The following TNIP1 variants were observed in gnomAD, a reference collection of about 807,000 sequenced individuals.
TNIP1 encodes TNFAIP3-interacting protein 1.
A neutral mutation model predicts 86.6 loss-of-function variants in TNIP1; 22 were observed. The ratio of observed to expected loss-of-function variants is 0.25; its 90% CI spans 0.18 to 0.36. The LOEUF (loss-of-function observed/expected upper bound fraction) is 0.36. Ranked by LOEUF, TNIP1 falls within the 10% of genes least tolerant of loss-of-function variation. The pLI, the probability that TNIP1 is intolerant of heterozygous loss-of-function variation, is 1.00. For missense variants in TNIP1, 709 were observed against 820.6 expected (o/e 0.86, Z 1.66); for synonymous variants, 294 against 313.0 (o/e 0.94, Z 0.64).
intron 5 of TNIP1, among the ~76,000 whole-genome samples, chr5:151,059,885 G>C (rs1447612575): frequency 1.4e-5 from 2 of 145,218 alleles, no homozygotes; most frequent in Admixed American, 1.4e-4. Flanking sequence ...GCGCGCGCAT[G>C]CGTGTAAGTG....
At chr5:151,082,729 G>A (rs932008219), upstream of TNIP1, among the ~76,000 whole-genome samples, 1 of 152,170 alleles carries the variant, frequency 6.6e-6, no homozygotes, top group African/African-American at 2.4e-5. Flanking sequence ...TCTCAAGCTT[G>A]ACATAAAAAA....
chr5:151,055,220 G>C (rs1760498975), intron 6 of TNIP1, among the ~76,000 whole-genome samples: 1 of 151,732 alleles, frequency 6.6e-6, no homozygotes, highest in African/African-American at 2.4e-5. Flanking sequence ...TTCTAGCAGA[G>C]AGTATAAGAA....
chr5:151,061,132 C>G (rs1328175701), intron 4 of TNIP1, among the ~76,000 whole-genome samples: 1 of 152,242 alleles, frequency 6.6e-6, no homozygotes, highest in Admixed American at 6.5e-5. Context: ...GGTCATTCAA[C>G]CAACCAAGAA....
chr5:151,036,714 C>T (rs1254501539), intron 13 of TNIP1, 76 bp downstream of exon 13: 2 of 1,605,506 alleles, frequency 1.2e-6, no homozygotes, highest in Admixed American at 3.4e-5. Context: ...CATGTGATTC[C>T]AAGCCGTCTG....
In TNIP1 at chr5:151,049,805, G is replaced by A. The variant is rs1385872172; in HGVS notation, c.846+19C>T. The A allele has an allele frequency of 1.2e-6, 2 of 1,613,908 alleles. No homozygotes were observed. Among genetic ancestry groups the A allele is most frequent in the African/African-American group, 1.3e-5 (1 of 74,934 alleles). Reference sequence around the variant, plus strand: ...ACCTGCAACCAAGGATGCTACAGAAGGAATTTCTGACCACATACCTGCTGC... The same window carrying A: ...ACCTGCAACCAAGGATGCTACAGAAAGAATTTCTGACCACATACCTGCTGC... On this transcript the variant is annotated intron_variant, in intron 8 of 17. Transcript: ENST00000521591.
chr5:151,056,827 A>G lies in TNIP1; in HGVS notation c.566T>C (p.Leu189Pro), dbSNP rs1373715980. ...QLFTHLGRMA[L>P]EFNRLASKVH... ...CTTGGATGCCAGTCGGTTGAACTCC[A>G]GGGCCATGCGGCCCAGGTGGGTGAA... Residue 189 changes from leucine to proline, a missense_variant, in exon 6 of 18, where the codon CTG (leucine) becomes CCG (proline). Leu to Pro is a moderately conservative substitution (Grantham distance 98). Transcript: ENST00000521591. The G allele has an allele frequency of 6.3e-7, 1 of 1,595,518 alleles. No homozygotes were observed. Among genetic ancestry groups the G allele is most frequent in the African/African-American group, 1.4e-5 (1 of 73,932 alleles).
In TNIP1 at chr5:151,050,020, C is replaced by T. The variant is rs938333181; in HGVS notation, c.723-73G>A. 147 of 1,598,728 alleles carry T rather than the reference C, an allele frequency of 9.2e-5. No individual in the cohort carries two copies. In the Admixed American group the frequency reaches 2.5e-3, roughly 27 times the overall value. On this transcript the variant is annotated intron_variant, in intron 7 of 17. Transcript: ENST00000521591. ...GAAACCTACAGGGCTCCTTAATGCTCACTATCGCATGAGTTGCAGCTGAGC... is the reference window on the plus strand; with the variant it reads ...GAAACCTACAGGGCTCCTTAATGCTTACTATCGCATGAGTTGCAGCTGAGC...
In TNIP1 at chr5:151,064,943, G is replaced by T. The variant is rs762834369; in HGVS notation, c.136+17C>A. ...CAGGGAGGGGCGCTCGCAGGGAGGG[G>T]ACAGGGTCTGCTTTACCTAACATCT... On this transcript the variant is annotated intron_variant, in intron 2 of 17. Transcript: ENST00000521591. The T allele has an allele frequency of 1.9e-6, 3 of 1,613,970 alleles. No individual in the cohort carries two copies. Among genetic ancestry groups the T allele is most frequent in the South Asian group, 1.1e-5 (1 of 91,030 alleles).
intron 5 of TNIP1, among the ~76,000 whole-genome samples, chr5:151,059,783 G>GAC (rs1322743782): frequency 0.014 from 479 of 34,594 alleles, 2 homozygotes; most frequent in African/African-American, 0.07. Context: ...GAGAGACAGA[G>GAC]AGAGAGAGAG....
chr5:151,042,953 T>G lies in TNIP1; in HGVS notation c.945A>C (p.Glu315Asp), dbSNP rs1327033147. 3.1e-6 allele frequency: 5 copies of G among 1,614,090 alleles called. No homozygotes were observed. The highest frequency in any genetic ancestry group is 4.2e-6 in the Non-Finnish European group (5 of 1,180,034). Residue 315 changes from glutamate to aspartate, a missense_variant, in exon 10 of 18, where the codon GAA becomes GAC. Glu to Asp is a conservative substitution (Grantham distance 45, BLOSUM62 2). Coordinates refer to ENST00000521591, the MANE Select transcript of TNIP1 (RefSeq NM_006058.5). ...MLEQQRSELLEVNKQWDQHFR... is the reference protein window; with the variant it reads ...MLEQQRSELLDVNKQWDQHFR... Reference sequence around the variant, plus strand: ...AATGCTGGTCCCACTGCTTGTTCACTTCCAGCAGCTGTGGGGAGAGACTGG... The same window carrying G: ...AATGCTGGTCCCACTGCTTGTTCACGTCCAGCAGCTGTGGGGAGAGACTGG...
At chr5:151,063,821 C>A in intron 2 of TNIP1, 74 bp from the exon 3 acceptor site, 1 of 1,561,926 alleles carries the variant, frequency 6.4e-7, no homozygotes, top group Non-Finnish European at 8.7e-7. Context: ...TCCCAGGCCC[C>A]TAACCGTGCT....
At chr5:151,068,177 G>A (rs918435150) in intron 1 of TNIP1, among the ~76,000 whole-genome samples, 15 of 152,202 alleles carry the variant, frequency 9.9e-5, no homozygotes, top group African/African-American at 3.1e-4. Flanking sequence ...GAGATCAGAG[G>A]AGCCACCCCT....
intron 3 of TNIP1, among the ~76,000 whole-genome samples, chr5:151,063,248 C>A (rs926807718): frequency 2.0e-5 from 3 of 152,170 alleles, no homozygotes; most frequent in Non-Finnish European, 4.4e-5. Context: ...CTCCAAGTGA[C>A]AGGGAGTAGC....
Position 151,035,343 on chromosome 5 carries a change from G to A in TNIP1, c.1521+239C>T, listed in dbSNP as rs535988786. ...AACATCTTTTAGTTCCACTCTGGGA[G>A]AGTAAAGCCCAGAACTGACTGTGGA... On this transcript the variant is annotated intron_variant, in intron 14 of 17. Coordinates refer to ENST00000521591, the MANE Select transcript of TNIP1 (RefSeq NM_006058.5). 2.2e-4 allele frequency among the ~76,000 whole-genome samples: 34 copies of A among 152,372 alleles called. No individual in the cohort carries two copies. In the South Asian group the frequency reaches 7.0e-3, roughly 32 times the overall value.
At chr5:151,037,553 A>G (rs569028510) in intron 12 of TNIP1, 4 of 152,354 alleles carry the variant, frequency 2.6e-5, no homozygotes, top group African/African-American at 9.6e-5. Context: ...ATATCATCAA[A>G]TAACATTTTG....
intron 1 of TNIP1, among the ~76,000 whole-genome samples, chr5:151,075,949 C>A (rs1561542586): frequency 6.6e-6 from 1 of 152,200 alleles, no homozygotes; most frequent in East Asian, 1.9e-4. Context: ...CACACACACC[C>A]CTGCCTGGGC....
chr5:151,059,880 CG>C (rs1761313621), intron 5 of TNIP1, among the ~76,000 whole-genome samples: 6 of 120,178 alleles, frequency 5.0e-5, no homozygotes, highest in South Asian at 2.9e-4. Context: ...CGCGCGCGCG[CG>C]CATGCGTGTA....
chr5:151,044,416 C>T (rs182214649), intron 9 of TNIP1, among the ~76,000 whole-genome samples: 74 of 151,652 alleles, frequency 4.9e-4, no homozygotes, highest in Admixed American at 9.2e-4. Context: ...TATACACACA[C>T]GTATATGTAT....
In TNIP1 at chr5:151,086,575, CT is replaced by C. The variant is rs558860410; in HGVS notation, c.-37+509del. ...TTGTACCCTCTCCATCAAAAATTCA[CT>C]GTACACACAGATACACACACAAATA... On this transcript the variant is annotated intron_variant, in intron 1 of 17. Coordinates refer to the TNIP1 transcript ENST00000315050. Among the ~76,000 whole-genome samples, 27 of 152,314 alleles carry C rather than the reference CT, an allele frequency of 1.8e-4. No homozygotes were observed. The East Asian group carries it at 5.2e-3, about 29-fold the overall frequency.
Sources: allele counts gnomAD v4.1 joint callset (sites outside exome capture counted in the v4.1 genomes callset), GRCh38; gene constraint gnomAD v4.1.1; transcripts MANE v1.5; gene names NCBI Gene and HGNC (gene_info 2026-07-23, HGNC 2026-07-21).